Variants in UNC5D observed in about 807,000 individuals in gnomAD.
UNC5D encodes unc-5 netrin receptor D.
A neutral mutation model predicts 105.4 loss-of-function variants in UNC5D; 39 were observed. That is an observed-to-expected ratio of 0.37 (90% CI 0.29 to 0.48). The LOEUF (loss-of-function observed/expected upper bound fraction) is 0.48, where lower values mean the gene tolerates loss of function less well. UNC5D is among the 20% of genes least tolerant of loss of function. The pLI is 0.98. For synonymous variants in UNC5D, 452 were observed against 450.4 expected (o/e 1.00, Z -0.04); for missense variants, 991 against 1,202.4 (o/e 0.82, Z 2.60).
At chr8:35,305,311 C>A (rs570822733) in intron 1 of UNC5D, among the ~76,000 whole-genome samples, 1 of 152,150 alleles carries the variant, frequency 6.6e-6, no homozygotes, top group East Asian at 1.9e-4. Context: ...TTGGTAAGTT[C>A]TCAGTGGCTT....
At chr8:35,398,934 T>C (rs2128948087) in intron 1 of UNC5D, among the ~76,000 whole-genome samples, 1 of 152,070 alleles carries the variant, frequency 6.6e-6, no homozygotes, top group Non-Finnish European at 1.5e-5. Flanking sequence ...GGTGGGCAGA[T>C]TGCCTGAGCT....
chr8:35,683,524 T>C, intron 4 of UNC5D, 23 bp from the exon 5 acceptor site: 4 of 1,553,730 alleles, frequency 2.6e-6, no homozygotes, highest in Non-Finnish European at 2.6e-6. Context: ...TAGTGACTTG[T>C]AAACATTCCT....
chr8:35,452,864 A>G (rs914762854), intron 1 of UNC5D, among the ~76,000 whole-genome samples: 2 of 152,208 alleles, frequency 1.3e-5, no homozygotes, highest in African/African-American at 4.8e-5. Context: ...GTCTCTTCAG[A>G]TAGAGGCATT....
Position 35,788,240 on chromosome 8 carries a change from G to A in UNC5D, c.2658-2119G>A, listed in dbSNP as rs76672683. On this transcript the variant is annotated intron_variant, in intron 16 of 16. Transcript: ENST00000404895. ...ATCTGTGGCTCTTATAAATGGCAACGCGTCCTTAAAAGCTTGTCTGTAGTC... is the reference window on the plus strand; with the variant it reads ...ATCTGTGGCTCTTATAAATGGCAACACGTCCTTAAAAGCTTGTCTGTAGTC... Among the ~76,000 whole-genome samples, 241 of 151,964 alleles carry A rather than the reference G, an allele frequency of 1.6e-3. 2 individuals carry two copies. In the East Asian group the frequency reaches 0.03, roughly 19 times the overall value.
intron 1 of UNC5D, among the ~76,000 whole-genome samples, chr8:35,253,447 A>G (rs1216653059): frequency 7.8e-6 from 1 of 128,780 alleles, no homozygotes; most frequent in Non-Finnish European, 1.7e-5. Flanking sequence ...TTCCCTCTGT[A>G]GAGTTTGGAG....
intron 1 of UNC5D, among the ~76,000 whole-genome samples, chr8:35,313,549 T>C (rs966674680): frequency 6.6e-6 from 1 of 152,196 alleles, no homozygotes; most frequent in Non-Finnish European, 1.5e-5. Context: ...GGTCATCCAC[T>C]GACATTTCTT....
chr8:35,339,997 A>G (rs1330442141), intron 1 of UNC5D, among the ~76,000 whole-genome samples: 1 of 152,172 alleles, frequency 6.6e-6, no homozygotes, highest in East Asian at 1.9e-4. Flanking sequence ...CGTCTCCTTT[A>G]ATTCAGAGCT....
intron 11 of UNC5D, among the ~76,000 whole-genome samples, chr8:35,740,863 C>T (rs887168096): frequency 6.6e-6 from 1 of 152,044 alleles, no homozygotes; most frequent in Non-Finnish European, 1.5e-5. Flanking sequence ...ACTCCTGAGC[C>T]CCTCCCCAGC....
intron 1 of UNC5D, among the ~76,000 whole-genome samples, chr8:35,258,976 T>C (rs1804263020): frequency 6.6e-6 from 1 of 152,242 alleles, no homozygotes; most frequent in East Asian, 1.9e-4. Context: ...CCAAAGCCCG[T>C]TATCTGGAGA....
intron 1 of UNC5D, among the ~76,000 whole-genome samples, chr8:35,326,487 G>T (rs1810168287): frequency 6.6e-6 from 1 of 152,232 alleles, no homozygotes. Context: ...GGGCACAGTG[G>T]CTCATGCCTG....
chr8:35,580,058 G>A lies in UNC5D; in HGVS notation c.466+11817G>A, dbSNP rs1364933682. Among the ~76,000 whole-genome samples, 3 of 152,188 alleles carry A rather than the reference G, an allele frequency of 2.0e-5. No individual in the cohort carries two copies. The South Asian group carries it at 6.2e-4, about 32-fold the overall frequency. ...GGAACTAAGGGGAAGTAAGAGAGGA[G>A]TTTGGGGACTCCTCCAAGTTTTGGG... is the stretch of plus-strand genomic sequence containing the variant. On this transcript the variant is annotated intron_variant, in intron 3 of 16. Coordinates refer to ENST00000404895, the MANE Select transcript of UNC5D (RefSeq NM_080872.4).
chr8:35,528,337 A>G (rs1412263164), intron 1 of UNC5D, among the ~76,000 whole-genome samples: 1 of 151,364 alleles, frequency 6.6e-6, no homozygotes. Context: ...GAGAATGATG[A>G]TTTCCAATTT....
At chr8:35,584,286 G>A (rs1185077218) in intron 3 of UNC5D, among the ~76,000 whole-genome samples, 1 of 151,816 alleles carries the variant, frequency 6.6e-6, no homozygotes, top group African/African-American at 2.4e-5. Flanking sequence ...GGGCAATAGC[G>A]AGAGGGGATT....
At chr8:35,429,718 C>T (rs1317144327) in intron 1 of UNC5D, among the ~76,000 whole-genome samples, 1 of 152,130 alleles carries the variant, frequency 6.6e-6, no homozygotes, top group Non-Finnish European at 1.5e-5. Flanking sequence ...CATTCAGCCA[C>T]ATTCAAGATA....
chr8:35,657,074 GTGTGTGTA>G (rs1219955235), intron 4 of UNC5D, among the ~76,000 whole-genome samples: 36 of 96,578 alleles, frequency 3.7e-4, no homozygotes, highest in African/African-American at 1.5e-3. Context: ...GTGTGTGTGT[GTGTGTGTA>G]TATATATATA....
In UNC5D at chr8:35,586,956, A is replaced by G. The variant is rs1026886744; in HGVS notation, c.467-8598A>G. Among the ~76,000 whole-genome samples, 9 of 152,152 alleles carry G rather than the reference A, an allele frequency of 5.9e-5. No homozygotes were observed. The East Asian group carries it at 1.7e-3, about 29-fold the overall frequency. ...TGACTTTTCTAACATAGTAGCATGA[A>G]AGGAAAATGACAAAAAAGGCCAAAT... is the stretch of plus-strand genomic sequence containing the variant. On this transcript the variant is annotated intron_variant, in intron 3 of 16. Coordinates refer to ENST00000404895, the MANE Select transcript of UNC5D (RefSeq NM_080872.4).
intron 1 of UNC5D, among the ~76,000 whole-genome samples, chr8:35,459,687 T>C (rs1240277072): frequency 6.6e-6 from 1 of 152,210 alleles, no homozygotes; most frequent in Non-Finnish European, 1.5e-5. Flanking sequence ...AGGAAATGTT[T>C]GTTTGTTTTT....
At chr8:35,514,029 A>G (rs564952760) in intron 1 of UNC5D, among the ~76,000 whole-genome samples, 1 of 152,342 alleles carries the variant, frequency 6.6e-6, no homozygotes, top group East Asian at 1.9e-4. Context: ...TAAGAAAACC[A>G]TTGGTGAAAA....
intron 1 of UNC5D, among the ~76,000 whole-genome samples, chr8:35,469,852 A>G (rs965129534): frequency 1.1e-4 from 17 of 152,210 alleles, no homozygotes; most frequent in Non-Finnish European, 1.6e-4. Flanking sequence ...ATATCAAAAT[A>G]TGATACAGCT....
Sources: allele counts gnomAD v4.1 joint callset (sites outside exome capture counted in the v4.1 genomes callset), GRCh38; gene constraint gnomAD v4.1.1; transcripts MANE v1.5; gene names NCBI Gene and HGNC (gene_info 2026-07-23, HGNC 2026-07-21).